The following LRRFIP1 variants were observed in gnomAD, a reference collection of about 807,000 sequenced individuals.
LRRFIP1 encodes the protein LRR binding FLII interacting protein 1.
A neutral mutation model predicts 104.4 loss-of-function variants in LRRFIP1; 62 were observed. The ratio of observed to expected loss-of-function variants is 0.59; its 90% CI spans 0.48 to 0.73. The LOEUF is 0.73. LRRFIP1 is among the 30% of genes least tolerant of loss of function. LRRFIP1 has a pLI of 0.00. For synonymous variants in LRRFIP1, 300 were observed against 299.0 expected (o/e 1.00, Z -0.03); for missense variants, 796 against 824.5 (o/e 0.97, Z 0.42).
At chr2:237,697,798 A>G (rs547428895) in intron 1 of LRRFIP1, among the ~76,000 whole-genome samples, 102 of 152,076 alleles carry the variant, frequency 6.7e-4, no homozygotes, top group Admixed American at 1.6e-3. Context: ...GAAACGGCAC[A>G]GGGGAGGCCC....
chr2:237,674,256 T>A (rs548822863), intron 1 of LRRFIP1, among the ~76,000 whole-genome samples: 21 of 152,212 alleles, frequency 1.4e-4, no homozygotes, highest in Admixed American at 5.2e-4. Context: ...TCAAAGTGGG[T>A]GGTGGGGTAT....
chr2:237,672,021 A>G (rs561288167), intron 1 of LRRFIP1, among the ~76,000 whole-genome samples: 1 of 152,112 alleles, frequency 6.6e-6, no homozygotes, highest in East Asian at 1.9e-4. Flanking sequence ...TAACGAAATT[A>G]TATGACTTGA....
chr2:237,777,010 C>T (rs529731503), intron 23 of LRRFIP1, among the ~76,000 whole-genome samples: 5 of 152,180 alleles, frequency 3.3e-5, no homozygotes, highest in African/African-American at 9.6e-5. Context: ...TTTCAGTGAT[C>T]ACACATGGGG....
At chr2:237,734,350 G>A (rs1191020752) in intron 9 of LRRFIP1, among the ~76,000 whole-genome samples, 5 of 134,788 alleles carry the variant, frequency 3.7e-5, no homozygotes, top group African/African-American at 6.1e-5. Flanking sequence ...GCACGATCTC[G>A]GCTCAGTGCA....
rs1471523772 is a variant in LRRFIP1 at position 237,772,142 on chromosome 2, G to C, written c.1571G>C (p.Arg524Pro). ...AAGATTGGCAAACTAGACAATCTTCGATCTGAAGATGATGTCTTGGAAAAC... is the reference window on the plus strand; with the variant it reads ...AAGATTGGCAAACTAGACAATCTTCCATCTGAAGATGATGTCTTGGAAAAC... ...RQKIGKLDNL[R>P]SEDDVLENGT... Residue 524 changes from arginine to proline, a missense_variant, in exon 21 of 24, where the codon CGA becomes CCA. Transcript: ENST00000308482. 6 of 1,613,812 alleles carry C rather than the reference G, an allele frequency of 3.7e-6. No homozygotes were observed. The African/African-American group carries it at 5.3e-5, about 14-fold the overall frequency.
chr2:237,692,947 C>T (rs1279033100), intron 1 of LRRFIP1, among the ~76,000 whole-genome samples: 1 of 152,192 alleles, frequency 6.6e-6, no homozygotes, highest in Non-Finnish European at 1.5e-5. Flanking sequence ...GGCTGGGGTG[C>T]TTTGGAGCAC....
intron 1 of LRRFIP1, among the ~76,000 whole-genome samples, chr2:237,672,697 C>A (rs1269522865): frequency 6.6e-6 from 1 of 152,170 alleles, no homozygotes; most frequent in Non-Finnish European, 1.5e-5. Context: ...CACCCTGGCA[C>A]CCGCTGTTGG....
At chr2:237,697,635 G>T (rs1006166072) in intron 1 of LRRFIP1, among the ~76,000 whole-genome samples, 1 of 152,220 alleles carries the variant, frequency 6.6e-6, no homozygotes, top group East Asian at 1.9e-4. Flanking sequence ...TGCTGGTGGA[G>T]CTTTCAGCCT....
chr2:237,712,618 C>T (rs2094148018), intron 2 of LRRFIP1, among the ~76,000 whole-genome samples: 1 of 152,172 alleles, frequency 6.6e-6, no homozygotes, highest in Non-Finnish European at 1.5e-5. Flanking sequence ...CGTGTGTGCG[C>T]ACGCATTCGT....
intron 1 of LRRFIP1, among the ~76,000 whole-genome samples, chr2:237,704,711 G>T (rs1297327813): frequency 6.6e-6 from 1 of 152,176 alleles, no homozygotes; most frequent in African/African-American, 2.4e-5. Context: ...AGATGTTCTA[G>T]AAGGCAGGGG....
At chr2:237,763,983 G>A in intron 19 of LRRFIP1, 3 of 1,614,220 alleles carry the variant, frequency 1.9e-6, no homozygotes, top group Non-Finnish European at 2.5e-6. Flanking sequence ...GAACATCCAA[G>A]TCAGACCGTC....
chr2:237,745,796 C>T (rs1416365492), intron 11 of LRRFIP1, among the ~76,000 whole-genome samples: 2 of 152,168 alleles, frequency 1.3e-5, no homozygotes, highest in Admixed American at 6.5e-5. Context: ...AGAAAACATA[C>T]GTTTTACACC....
At chr2:237,664,111 T>C (rs1380105192) in intron 1 of LRRFIP1, among the ~76,000 whole-genome samples, 3 of 152,150 alleles carry the variant, frequency 2.0e-5, no homozygotes, top group Non-Finnish European at 4.4e-5. Context: ...CGGGGAAGAA[T>C]GTCACTTGCA....
intron 20 of LRRFIP1, among the ~76,000 whole-genome samples, chr2:237,771,552 C>T (rs754717164): frequency 0.032 from 1,026 of 32,318 alleles, 20 homozygotes; most frequent in Non-Finnish European, 0.042. Flanking sequence ...TGGAACCAAT[C>T]CCCCCCCCCC....
At chr2:237,758,555 T>C (rs1332113021) in intron 17 of LRRFIP1, among the ~76,000 whole-genome samples, 174 bp from the exon 18 acceptor site, 2 of 152,242 alleles carry the variant, frequency 1.3e-5, no homozygotes, top group Non-Finnish European at 2.9e-5. Context: ...TTATATATAC[T>C]AAGCGAAAAG....
At chr2:237,740,158 C>T (rs760150607) in intron 11 of LRRFIP1, among the ~76,000 whole-genome samples, 5 of 151,692 alleles carry the variant, frequency 3.3e-5, no homozygotes, top group Non-Finnish European at 1.5e-5. Flanking sequence ...GTAATCCCAG[C>T]GTCATGGGAG....
At chr2:237,736,027 C>T (rs749716961) in intron 10 of LRRFIP1, among the ~76,000 whole-genome samples, 2 of 152,152 alleles carry the variant, frequency 1.3e-5, no homozygotes, top group African/African-American at 2.4e-5. Flanking sequence ...TTCAAGCCCT[C>T]CAGGAAATAG....
intron 1 of LRRFIP1, among the ~76,000 whole-genome samples, chr2:237,641,797 G>A (rs1185038814): frequency 6.6e-6 from 1 of 152,116 alleles, no homozygotes; most frequent in African/African-American, 2.4e-5. Flanking sequence ...CATATAACAT[G>A]CACAATATAT....
chr2:237,704,751 C>T (rs989262554), intron 1 of LRRFIP1, among the ~76,000 whole-genome samples: 2 of 152,136 alleles, frequency 1.3e-5, no homozygotes, highest in African/African-American at 4.8e-5. Context: ...TATTCAGTGA[C>T]AAATGGACTT....
Sources: allele counts gnomAD v4.1 joint callset (sites outside exome capture counted in the v4.1 genomes callset), GRCh38; gene constraint gnomAD v4.1.1; transcripts MANE v1.5; gene names NCBI Gene and HGNC (gene_info 2026-07-23, HGNC 2026-07-21).